WWOX: variants seen among roughly 807,000 people sequenced by gnomAD.
WWOX encodes WW domain containing oxidoreductase, also known as WW domain-containing oxidoreductase.
WWOX carries 69 observed loss-of-function variants against 46.2 expected under a neutral mutation model. The ratio of observed to expected loss-of-function variants is 1.49; its 90% CI spans 1.23 to 1.82. WWOX has a LOEUF of 1.82. Among genes scored for constraint, WWOX ranks in the 40% most tolerant of loss-of-function variants. WWOX has a pLI of 0.00. For synonymous variants in WWOX, 359 were observed against 202.6 expected, an observed-to-expected ratio of 1.77 and a Z score of -6.56; for missense variants, 919 against 542.6, an observed-to-expected ratio of 1.69 and a Z score of -6.89.
At chr16:78,260,065 C>G (rs1206811523) in intron 5 of WWOX, among the ~76,000 whole-genome samples, 1 of 151,164 alleles carries the variant, frequency 6.6e-6, no homozygotes, top group African/African-American at 2.4e-5. Context: ...AGAACTTACA[C>G]AGGAGCGTTT....
At chr16:78,221,676 A>C (rs984229215) in intron 5 of WWOX, among the ~76,000 whole-genome samples, 2 of 152,218 alleles carry the variant, frequency 1.3e-5, no homozygotes, top group Non-Finnish European at 2.9e-5. Flanking sequence ...TAATGACCCA[A>C]GAGCTAAGCC....
intron 8 of WWOX, among the ~76,000 whole-genome samples, chr16:78,557,225 TGA>T (rs1359970041): frequency 1.4e-5 from 2 of 147,620 alleles, no homozygotes; most frequent in Non-Finnish European, 3.0e-5. Flanking sequence ...CCAATTATCA[TGA>T]TTATTATTAT....
chr16:78,920,992 C>G (rs1190385228), intron 8 of WWOX, among the ~76,000 whole-genome samples: 13 of 152,166 alleles, frequency 8.5e-5, no homozygotes, highest in Admixed American at 8.5e-4. Context: ...ACAAAACCAG[C>G]TCCCACACTG....
At chr16:78,218,187 T>TTGTACTGCAGATGTG (rs2036783702) in intron 5 of WWOX, among the ~76,000 whole-genome samples, 1 of 152,166 alleles carries the variant, frequency 6.6e-6, no homozygotes, top group Non-Finnish European at 1.5e-5. Flanking sequence ...CCCGAGTAGC[T>TTGTACTGCAGATGTG]TGTACTGCAG....
intron 8 of WWOX, among the ~76,000 whole-genome samples, chr16:78,469,184 G>A (rs978653923): frequency 2.6e-5 from 4 of 152,128 alleles, no homozygotes; most frequent in Non-Finnish European, 4.4e-5. Flanking sequence ...TATGGAAATC[G>A]TCAGGGATAT....
chr16:78,463,085 G>A (rs1481257107), intron 8 of WWOX, among the ~76,000 whole-genome samples: 1 of 152,196 alleles, frequency 6.6e-6, no homozygotes, highest in African/African-American at 2.4e-5. Flanking sequence ...GCAGGTCTTT[G>A]TTTCATGTCA....
chr16:78,392,792 C>G (rs908672625), intron 6 of WWOX, among the ~76,000 whole-genome samples: 2 of 152,092 alleles, frequency 1.3e-5, no homozygotes, highest in Admixed American at 6.6e-5. Flanking sequence ...GCCTGATTGC[C>G]AAAGCCAGTT....
At chr16:78,239,129 C>T (rs2037541205) in intron 5 of WWOX, among the ~76,000 whole-genome samples, 1 of 152,170 alleles carries the variant, frequency 6.6e-6, no homozygotes, top group African/African-American at 2.4e-5. Flanking sequence ...GTCTGGTGCT[C>T]ACCCACATTT....
intron 5 of WWOX, among the ~76,000 whole-genome samples, chr16:78,280,625 G>A (rs1363691412): frequency 6.6e-6 from 1 of 150,736 alleles, no homozygotes; most frequent in Non-Finnish European, 1.5e-5. Context: ...AGAGCAGCAG[G>A]TGACATGGTG....
At chr16:79,200,204 G>A (rs1418627175) in intron 8 of WWOX, among the ~76,000 whole-genome samples, 2 of 152,106 alleles carry the variant, frequency 1.3e-5, no homozygotes, top group African/African-American at 4.8e-5. Flanking sequence ...GGAAGCCAGG[G>A]TTTTAGGCAC....
chr16:79,101,769 C>G (rs996439519), intron 8 of WWOX: 1 of 148,856 alleles, frequency 6.7e-6, no homozygotes, highest in South Asian at 2.1e-4. Context: ...AGGACTAATA[C>G]TTCCTGCTTT....
At chr16:78,108,164 G>A (rs1478313445) in intron 1 of WWOX, among the ~76,000 whole-genome samples, 1 of 151,128 alleles carries the variant, frequency 6.6e-6, no homozygotes, top group Non-Finnish European at 1.5e-5. Context: ...CTGACCTTGT[G>A]ATCTGCTCCC....
chr16:78,176,651 G>T (rs2035356740), intron 5 of WWOX, among the ~76,000 whole-genome samples: 1 of 152,110 alleles, frequency 6.6e-6, no homozygotes, highest in African/African-American at 2.4e-5. Context: ...TCAGATTTAT[G>T]ACTCTGGGAA....
At chr16:78,370,278 G>T (rs1597115492) in intron 5 of WWOX, among the ~76,000 whole-genome samples, 1 of 152,018 alleles carries the variant, frequency 6.6e-6, no homozygotes, top group Admixed American at 6.6e-5. Context: ...TAGCAAGATG[G>T]GATGATATTA....
intron 8 of WWOX, among the ~76,000 whole-genome samples, chr16:78,817,677 G>C (rs1014905665): frequency 6.6e-6 from 1 of 152,136 alleles, no homozygotes; most frequent in Non-Finnish European, 1.5e-5. Flanking sequence ...GAGTCTTTGT[G>C]TGGTGGCAAA....
At chr16:78,904,087 TCCACCTTTCTGAAGAAAA>T (rs2044897660) in intron 8 of WWOX, among the ~76,000 whole-genome samples, 1 of 152,156 alleles carries the variant, frequency 6.6e-6, no homozygotes, top group Non-Finnish European at 1.5e-5. Context: ...GGGATCAGGG[TCCACCTTTCTGAAGAAAA>T]CTGCAGAGCT....
At chr16:78,259,104 A>G (rs1232159016) in intron 5 of WWOX, among the ~76,000 whole-genome samples, 1 of 152,220 alleles carries the variant, frequency 6.6e-6, no homozygotes. Flanking sequence ...TATGTGTTTG[A>G]GTTAGAAATA....
chr16:78,866,467 G>A (rs2044006162), intron 8 of WWOX, among the ~76,000 whole-genome samples: 1 of 151,986 alleles, frequency 6.6e-6, no homozygotes, highest in African/African-American at 2.4e-5. Context: ...TCAGCTGTGT[G>A]GGTACCTCTT....
chr16:78,524,184 G>C (rs1001068435), intron 8 of WWOX, among the ~76,000 whole-genome samples: 7 of 152,108 alleles, frequency 4.6e-5, no homozygotes, highest in Admixed American at 2.0e-4. Flanking sequence ...TCTTTATAAA[G>C]TAAACATTTT....
Sources: allele counts gnomAD v4.1 joint callset (sites outside exome capture counted in the v4.1 genomes callset), GRCh38; gene constraint gnomAD v4.1.1; transcripts MANE v1.5; gene names NCBI Gene and HGNC (gene_info 2026-07-23, HGNC 2026-07-21).